The following PPP1R21 variants were observed in gnomAD, a reference collection of about 807,000 sequenced individuals.
PPP1R21 encodes protein phosphatase 1 regulatory subunit 21.
In PPP1R21, 85 loss-of-function variants were observed where a neutral mutation model predicts 112.8. The ratio of observed to expected loss-of-function variants is 0.75; its 90% CI spans 0.63 to 0.90. The LOEUF (loss-of-function observed/expected upper bound fraction) is 0.90. Among genes scored for constraint, PPP1R21 ranks in the 40% least tolerant of loss-of-function variants. The pLI, the probability that PPP1R21 is intolerant of heterozygous loss-of-function variation, is 0.00. For synonymous variants in PPP1R21, 381 were observed against 322.3 expected, an observed-to-expected ratio of 1.18 and a Z score of -1.95; for missense variants, 1,199 against 901.5, an observed-to-expected ratio of 1.33 and a Z score of -4.23.
chr2:48,480,364 A>G (rs1300055686), intron 13 of PPP1R21, among the ~76,000 whole-genome samples: 1 of 152,242 alleles, frequency 6.6e-6, no homozygotes, highest in Non-Finnish European at 1.5e-5. Context: ...GAGCCCAAGC[A>G]CAAAGGAATT....
intron 1 of PPP1R21, among the ~76,000 whole-genome samples, chr2:48,450,365 C>T (rs756872395): frequency 2.0e-5 from 3 of 152,184 alleles, no homozygotes; most frequent in Non-Finnish European, 4.4e-5. Flanking sequence ...TGAAGTAATA[C>T]ATAAAAGTAC....
At chr2:48,504,086 G>A (rs748862148) in intron 17 of PPP1R21, among the ~76,000 whole-genome samples, 1 of 151,990 alleles carries the variant, frequency 6.6e-6, no homozygotes, top group African/African-American at 2.4e-5. Context: ...ATGTTTCCTC[G>A]CAGTTTATTT....
intron 11 of PPP1R21, among the ~76,000 whole-genome samples, chr2:48,474,092 T>G (rs1212587601): frequency 6.6e-6 from 1 of 152,170 alleles, no homozygotes; most frequent in Non-Finnish European, 1.5e-5. Context: ...TTAGAATATT[T>G]AAAAATATGG....
In PPP1R21 at chr2:48,440,836, T is replaced by C; in HGVS notation, c.-118T>C. On this transcript the variant is annotated 5_prime_UTR_variant, in exon 1 of 22. Coordinates refer to ENST00000294952, the MANE Select transcript of PPP1R21 (RefSeq NM_001135629.3). ...GCGCGGCGGCGGCGGCGGCGGCGGC[T>C]GCGGTGGCCAAGCAGGCAGATACTG... is the stretch of plus-strand genomic sequence containing the variant. 8 of 644,416 alleles carry C rather than the reference T, an allele frequency of 1.2e-5. No individual in the cohort carries two copies. Among genetic ancestry groups the C allele is most frequent in the Non-Finnish European group, 1.8e-5 (7 of 390,896 alleles). The allele number at this position is 644,416 out of a possible 1,614,324, so 39.9% of individuals were successfully genotyped here. A position where few individuals can be genotyped will look rare whatever the true frequency, so the allele number is the denominator to read the frequency against.
In PPP1R21 at chr2:48,474,344, C is replaced by G. The variant is rs1572859089; in HGVS notation, c.1089-339C>G. 2.0e-5 allele frequency among the ~76,000 whole-genome samples: 3 copies of G among 152,278 alleles called. No homozygotes were observed. The South Asian group carries it at 6.2e-4, about 32-fold the overall frequency. ...GTTACAGTGAGCCGAGATTGCGCCA[C>G]TGTACTCGAATCTGGAGACAGTGAG... On this transcript the variant is annotated intron_variant, in intron 11 of 21. Transcript: ENST00000294952.
rs770630104 is a variant in PPP1R21 at position 48,465,502 on chromosome 2, C to G, written c.757C>G (p.Arg253Gly). 6 of 1,606,838 alleles carry G rather than the reference C, an allele frequency of 3.7e-6. No individual in the cohort carries two copies. The highest frequency in any genetic ancestry group is 3.4e-5 in the South Asian group (3 of 89,126). Residue 253 changes from arginine (R) to glycine (G), a missense_variant, in exon 9 of 22, where the codon CGA becomes GGA. By Grantham distance (125) the Arg-to-Gly change is moderately radical. Transcript: ENST00000294952. ...ATTTTTCATTTTAAAGCTGAAGATG[C>G]GAGATATTGCTGGGCAGGCCCTGGC... ...LHNRRHQLKMRDIAGQALAFV... is the reference protein window; with the variant it reads ...LHNRRHQLKMGDIAGQALAFV...
intron 4 of PPP1R21, among the ~76,000 whole-genome samples, chr2:48,458,968 T>C (rs778602448): frequency 6.6e-6 from 1 of 151,834 alleles, no homozygotes; most frequent in Non-Finnish European, 1.5e-5. Flanking sequence ...GGTAGACACC[T>C]GTAGTCCCAG....
At chr2:48,482,230 A>G (rs1669046481) in intron 13 of PPP1R21, among the ~76,000 whole-genome samples, 1 of 152,222 alleles carries the variant, frequency 6.6e-6, no homozygotes, top group South Asian at 2.1e-4. Context: ...TTTGTTTTGT[A>G]AAAGAGGAGT....
At chr2:48,443,070 G>A (rs531173609) in intron 1 of PPP1R21, among the ~76,000 whole-genome samples, 10 of 152,164 alleles carry the variant, frequency 6.6e-5, no homozygotes, top group Non-Finnish European at 1.2e-4. Context: ...TATAGAGTAG[G>A]GGCTAGATTC....
At chr2:48,444,051 C>CAAA (rs200639428) in intron 1 of PPP1R21, among the ~76,000 whole-genome samples, 2,909 of 151,512 alleles carry the variant, frequency 0.019, 80 homozygotes, top group African/African-American at 0.064. Flanking sequence ...AAAAAAAAAA[C>CAAA]CAAACAAACA....
intron 14 of PPP1R21, 125 bp downstream of exon 14, chr2:48,486,883 G>T: frequency 1.9e-6 from 2 of 1,043,158 alleles, no homozygotes; most frequent in African/African-American, 1.6e-5. Flanking sequence ...AAATAAAGTT[G>T]TCTCTCTTTC....
At position 48,471,301 on chromosome 2, in the gene PPP1R21, C is replaced by G. The variant is rs1262590088; in HGVS notation, c.1022C>G (p.Thr341Ser). The G allele has an allele frequency of 1.2e-6, 2 of 1,611,886 alleles. No homozygotes were observed. Among genetic ancestry groups the G allele is most frequent in the Non-Finnish European group, 8.5e-7 (1 of 1,179,162 alleles). The change falls in exon 11 of 22, where the codon ACT (threonine) becomes AGT (serine). Residue 341 changes from threonine to serine, a missense_variant. Transcript: ENST00000294952. ...CAGGAGACAACTGTGAAATTGAAAACTTTTTCAGAACACTTAACCTCCTAC... is the reference window on the plus strand; with the variant it reads ...CAGGAGACAACTGTGAAATTGAAAAGTTTTTCAGAACACTTAACCTCCTAC... ...TVLETTVKLK[T>S]FSEHLTSYIC...
intron 1 of PPP1R21, among the ~76,000 whole-genome samples, chr2:48,448,546 G>T (rs988566470): frequency 7.6e-5 from 11 of 145,652 alleles, no homozygotes; most frequent in Non-Finnish European, 3.1e-5. Context: ...AAGAAGACAT[G>T]TAAGAGATTA....
At position 48,460,116 on chromosome 2, in the gene PPP1R21, A is replaced by G. The variant is rs2103798303; in HGVS notation, c.562A>G (p.Lys188Glu). Residue 188 changes from lysine to glutamate, a missense_variant, in exon 6 of 22, where the codon AAG becomes GAG. By Grantham distance (56) the Lys-to-Glu change is moderately conservative. Coordinates refer to ENST00000294952, the MANE Select transcript of PPP1R21 (RefSeq NM_001135629.3). ...KLEVKSQTLE[K>E]EAKECRLRTE... is the part of the protein sequence containing the mutation. ...TCAGGTGAAATCTCAGACTCTAGAA[A>G]AGGAAGCCAAGGAATGTCGACTTCG... 1 of 1,614,150 alleles carries G rather than the reference A, an allele frequency of 6.2e-7. No homozygotes were observed. Among genetic ancestry groups the G allele is most frequent in the South Asian group, 1.1e-5 (1 of 91,080 alleles).
intron 12 of PPP1R21, among the ~76,000 whole-genome samples, chr2:48,476,767 A>G (rs1431744163): frequency 6.6e-6 from 1 of 151,772 alleles, no homozygotes; most frequent in East Asian, 1.9e-4. Flanking sequence ...ATTTATTGAG[A>G]TCTTTTCTCC....
intron 9 of PPP1R21, among the ~76,000 whole-genome samples, chr2:48,466,678 G>A (rs1668218648): frequency 6.6e-6 from 1 of 152,096 alleles, no homozygotes; most frequent in Non-Finnish European, 1.5e-5. Flanking sequence ...AATTAGCAAG[G>A]TTTAAATAGG....
chr2:48,459,178 A>G (rs1010512617), intron 4 of PPP1R21, among the ~76,000 whole-genome samples: 13 of 149,812 alleles, frequency 8.7e-5, no homozygotes, highest in African/African-American at 3.2e-4. Context: ...AATGGTAGGA[A>G]ACACACACAC....
intron 5 of PPP1R21, 88 bp downstream of exon 5, chr2:48,460,006 G>T: frequency 6.3e-7 from 1 of 1,593,832 alleles, no homozygotes; most frequent in Non-Finnish European, 8.6e-7. Context: ...GTCATTTCTG[G>T]TGAGACTTTT....
At position 48,514,779 on chromosome 2, in the gene PPP1R21, G is replaced by A. The variant is rs1670801416; in HGVS notation, c.*35G>A. On this transcript the variant is annotated 3_prime_UTR_variant, in exon 22 of 22. Transcript: ENST00000294952. ...AGCTGGTTGGCGACTGTTCTTTCCA[G>A]ACCTGCTCCTGCTGCACAGAGCCGC... The A allele has an allele frequency of 6.2e-7, 1 of 1,611,712 alleles. No individual in the cohort carries two copies.
Sources: allele counts gnomAD v4.1 joint callset (sites outside exome capture counted in the v4.1 genomes callset), GRCh38; gene constraint gnomAD v4.1.1; transcripts MANE v1.5; gene names NCBI Gene and HGNC (gene_info 2026-07-23, HGNC 2026-07-21).